The following WASF2 variants were observed in gnomAD, a reference collection of about 807,000 sequenced individuals.
The protein encoded by WASF2 is actin-binding protein WASF2.
Under a neutral mutation model 45.0 loss-of-function variants are expected in WASF2, and 14 were observed. The ratio of observed to expected loss-of-function variants is 0.31; its 90% CI spans 0.21 to 0.49. The LOEUF (loss-of-function observed/expected upper bound fraction) is 0.49, where lower values mean the gene tolerates loss of function less well. WASF2 is among the 20% of genes least tolerant of loss of function. The probability of loss-of-function intolerance (pLI) is 0.99; values close to 1 mark genes in which losing one functional copy is unlikely to be tolerated. For missense variants in WASF2, 439 were observed against 636.1 expected (o/e 0.69, Z 3.33); for synonymous variants, 200 against 236.3 (o/e 0.85, Z 1.41).
Position 27,485,104 on chromosome 1 carries a change from T to C in WASF2, c.-44+4882A>G, listed in dbSNP as rs181406853. Among the ~76,000 whole-genome samples the C allele has an allele frequency of 1.9e-3, 288 of 152,074 alleles. 3 individuals are homozygous for C. Among genetic ancestry groups the C allele is most frequent in the Non-Finnish European group, 1.1e-3 (78 of 68,000 alleles). The stretch of plus-strand genomic sequence containing the variant: ...GGCAGAGGTAGCAGTGAGCCAAGAT[T>C]GCGCCATTGTACTCCAGGCTGGGCA... On this transcript the variant is annotated intron_variant, in intron 1 of 8. Transcript: ENST00000618852.
At chr1:27,469,979 T>G (rs2148136889) in intron 1 of WASF2, among the ~76,000 whole-genome samples, 1 of 152,044 alleles carries the variant, frequency 6.6e-6, no homozygotes, top group East Asian at 1.9e-4. Context: ...TTAAGTATCA[T>G]AAGCAAGGTA....
At chr1:27,477,898 C>CAA (rs777021949) in intron 1 of WASF2, among the ~76,000 whole-genome samples, 2,098 of 49,820 alleles carry the variant, frequency 0.042, 82 homozygotes, top group Non-Finnish European at 0.049. Flanking sequence ...GACTCCGTCT[C>CAA]AAAAAAAAAA....
In WASF2 at chr1:27,490,131, G is replaced by C. The variant is rs2018015463; in HGVS notation, c.-189C>G. The C allele has an allele frequency of 6.6e-6, 1 of 152,402 alleles. No homozygotes were observed. Among genetic ancestry groups the C allele is most frequent in the Non-Finnish European group, 1.5e-5 (1 of 68,164 alleles). 9.4% of individuals were successfully genotyped at this position (152,402 alleles called of 1,614,324 possible). On this transcript the variant is annotated 5_prime_UTR_variant, in exon 1 of 9. Coordinates refer to ENST00000618852, the MANE Select transcript of WASF2 (RefSeq NM_006990.5). Reference sequence around the variant, plus strand: ...CTACGCCCCCAGCCGCGCTCGCCCTGCCTGTGTCCGCCATTACGCGATTCC... The same window carrying C: ...CTACGCCCCCAGCCGCGCTCGCCCTCCCTGTGTCCGCCATTACGCGATTCC...
At chr1:27,469,697 T>A (rs1354302181) in intron 1 of WASF2, among the ~76,000 whole-genome samples, 2 of 152,118 alleles carry the variant, frequency 1.3e-5, no homozygotes, top group Non-Finnish European at 2.9e-5. Context: ...ATCCCAGCAC[T>A]TCGGGAGGCC....
chr1:27,474,057 C>A (rs766331510), intron 1 of WASF2, among the ~76,000 whole-genome samples: 1 of 152,138 alleles, frequency 6.6e-6, no homozygotes, highest in Non-Finnish European at 1.5e-5. Flanking sequence ...GTGGGGAGAA[C>A]GTGCAAACTA....
chr1:27,472,225 A>G (rs1481879877), intron 1 of WASF2, among the ~76,000 whole-genome samples: 18 of 150,504 alleles, frequency 1.2e-4, no homozygotes, highest in Non-Finnish European at 3.0e-5. Flanking sequence ...CATCTACTCG[A>G]GAGGCAGGAG....
chr1:27,412,867 T>C, intron 6 of WASF2, 140 bp from the exon 7 acceptor site: 1 of 917,202 alleles, frequency 1.1e-6, no homozygotes, highest in South Asian at 1.7e-5. Flanking sequence ...ACATATTTTC[T>C]GTTACACTGA....
intron 1 of WASF2, among the ~76,000 whole-genome samples, chr1:27,477,889 A>G (rs2017787758): frequency 1.1e-5 from 1 of 94,560 alleles, no homozygotes; most frequent in African/African-American, 6.7e-5. Context: ...ACAGAGCGAG[A>G]CTCCGTCTCA....
rs2016746663 is a variant in WASF2, at chr1:27,410,442, C to G, written c.825-236G>C. Among the ~76,000 whole-genome samples, 1 of 152,198 alleles carries G rather than the reference C, an allele frequency of 6.6e-6. No individual in the cohort carries two copies. Among genetic ancestry groups the G allele is most frequent in the African/African-American group, 2.4e-5 (1 of 41,444 alleles). The stretch of plus-strand genomic sequence containing the variant: ...GGATAGACAGATTGAGTAAAACTAC[C>G]TGCAAGAAGTGGACTTGAGATTCCT... On this transcript the variant is annotated intron_variant, in intron 7 of 8. Coordinates refer to ENST00000618852, the MANE Select transcript of WASF2 (RefSeq NM_006990.5). This position sits in a 1 kb window ranked among gnomAD's most constrained non-coding sequence, Gnocchi z 4.2.
intron 5 of WASF2, among the ~76,000 whole-genome samples, chr1:27,415,575 G>A (rs1453882034): frequency 2.0e-5 from 3 of 151,886 alleles, no homozygotes; most frequent in East Asian, 3.9e-4. Context: ...AGCCCGTAGC[G>A]AAGGCATTAA....
chr1:27,473,262 C>T (rs556791039), intron 1 of WASF2, among the ~76,000 whole-genome samples: 26 of 151,726 alleles, frequency 1.7e-4, no homozygotes, highest in East Asian at 9.7e-4. Context: ...GGGCGGATCA[C>T]GAGGTCAGGA....
At chr1:27,453,000 G>A (rs1275760769) in intron 1 of WASF2, among the ~76,000 whole-genome samples, 1 of 150,468 alleles carries the variant, frequency 6.6e-6, no homozygotes, top group African/African-American at 2.4e-5. Context: ...GAAGTCAGGA[G>A]CTTGAGACCA....
intron 1 of WASF2, among the ~76,000 whole-genome samples, chr1:27,485,376 A>T (rs1238971148): frequency 6.6e-6 from 1 of 152,132 alleles, no homozygotes; most frequent in Non-Finnish European, 1.5e-5. Context: ...TGAAGGCAGA[A>T]GTTTGAGACC....
chr1:27,487,656 TAA>T (rs1491507919), intron 1 of WASF2, among the ~76,000 whole-genome samples: 6 of 105,278 alleles, frequency 5.7e-5, no homozygotes, highest in African/African-American at 7.7e-5. Flanking sequence ...ATATATTATA[TAA>T]TATATATTAT....
chr1:27,409,426 C>G (rs1001653197), intron 8 of WASF2, among the ~76,000 whole-genome samples: 2 of 34,396 alleles, frequency 5.8e-5, no homozygotes, highest in South Asian at 9.3e-4. Flanking sequence ...CTCTGTCCCC[C>G]ACAAAAAAAA....
intron 1 of WASF2, among the ~76,000 whole-genome samples, chr1:27,439,931 T>C (rs942273989): frequency 7.9e-5 from 12 of 152,156 alleles, no homozygotes; most frequent in Non-Finnish European, 1.6e-4. Context: ...ACGCGGGACG[T>C]TGAAGCTGCA....
At chr1:27,441,826 T>A (rs2017239395) in intron 1 of WASF2, among the ~76,000 whole-genome samples, 2 of 146,706 alleles carry the variant, frequency 1.4e-5, no homozygotes, top group African/African-American at 2.6e-5. Context: ...CTCGGGAGGC[T>A]GAGGCATGAG....
chr1:27,435,025 C>A (rs2017114157), intron 1 of WASF2, among the ~76,000 whole-genome samples: 1 of 152,116 alleles, frequency 6.6e-6, no homozygotes, highest in African/African-American at 2.4e-5. Flanking sequence ...CGGCTCACCA[C>A]AACCTCCGCC....
chr1:27,438,655 G>A (rs2017168891), intron 1 of WASF2, among the ~76,000 whole-genome samples: 1 of 152,194 alleles, frequency 6.6e-6, no homozygotes, highest in Non-Finnish European at 1.5e-5. Context: ...CACACTGTGT[G>A]GTCATGGAGC....
Sources: allele counts gnomAD v4.1 joint callset (sites outside exome capture counted in the v4.1 genomes callset), GRCh38; gene constraint gnomAD v4.1.1; non-coding constraint Gnocchi (gnomAD v3.1); transcripts MANE v1.5; gene names NCBI Gene and HGNC (gene_info 2026-07-23, HGNC 2026-07-21).